Variants in MARCHF1 observed in about 807,000 individuals in gnomAD.
The protein encoded by MARCHF1 is membrane associated ring-CH-type finger 1, also known as E3 ubiquitin-protein ligase MARCHF1.
In MARCHF1, 40 loss-of-function variants were observed where a neutral mutation model predicts 54.2. The observed-to-expected ratio is 0.74, with a 90% CI of 0.57 to 0.96. The LOEUF (loss-of-function observed/expected upper bound fraction) is 0.96. Among genes scored for constraint, MARCHF1 ranks in the 40% least tolerant of loss-of-function variants. The probability of loss-of-function intolerance (pLI) is 0.00; values close to 1 mark genes in which losing one functional copy is unlikely to be tolerated. For missense variants in MARCHF1, 586 were observed against 656.5 expected, an observed-to-expected ratio of 0.89 and a Z score of 1.17; for synonymous variants, 236 against 236.3, an observed-to-expected ratio of 1.00 and a Z score of 0.01.
intron 2 of MARCHF1, among the ~76,000 whole-genome samples, chr4:164,059,398 C>T (rs1405730889): frequency 6.6e-6 from 1 of 151,990 alleles, no homozygotes; most frequent in Non-Finnish European, 1.5e-5. Context: ...TTTTTATTGA[C>T]GTAAATCTAA....
intron 1 of MARCHF1, among the ~76,000 whole-genome samples, chr4:164,243,328 A>G (rs1732835135): frequency 6.9e-6 from 1 of 144,256 alleles, no homozygotes; most frequent in African/African-American, 2.6e-5. Context: ...AATATTCAAC[A>G]TTCTTAAAGA....
intron 5 of MARCHF1, among the ~76,000 whole-genome samples, chr4:163,625,230 T>G (rs964100001): frequency 1.3e-5 from 2 of 152,230 alleles, no homozygotes; most frequent in African/African-American, 2.4e-5. Flanking sequence ...TGTACACCCA[T>G]TTTTCTTTAA....
At chr4:164,241,778 C>A in intron 1 of MARCHF1, among the ~76,000 whole-genome samples, 1 of 152,110 alleles carries the variant, frequency 6.6e-6, no homozygotes, top group Non-Finnish European at 1.5e-5. Context: ...GCGCACAGTG[C>A]GCGAGCCGAA....
Position 164,214,406 on chromosome 4 carries a change from A to T in MARCHF1, c.-322-102744T>A, listed in dbSNP as rs114406724. ...TCACTATAAATGAAGATTGGTTCTA[A>T]AACACATCTTTGTTTATGTAACAAA... On this transcript the variant is annotated intron_variant, in intron 1 of 9. Coordinates refer to ENST00000514618, the MANE Select transcript of MARCHF1 (RefSeq NM_001394959.1). Among the ~76,000 whole-genome samples, 885 of 152,288 alleles carry T rather than the reference A, an allele frequency of 5.8e-3. 4 individuals are homozygous for T. Among genetic ancestry groups the T allele is most frequent in the African/African-American group, 0.02 (832 of 41,554 alleles).
In MARCHF1 at chr4:164,159,064, A is replaced by T. The variant is rs116844279; in HGVS notation, c.-322-47402T>A. 3.4e-4 allele frequency among the ~76,000 whole-genome samples: 52 copies of T among 152,310 alleles called. 1 individual carries two copies. The highest frequency in any genetic ancestry group is 1.9e-4 in the East Asian group (1 of 5,176). ...AGAACACAGGCTCTGCAATTAGACA[A>T]ACTTTTCTATTTCATGATTGACTTG... is the stretch of plus-strand genomic sequence containing the variant. On this transcript the variant is annotated intron_variant, in intron 1 of 9. Transcript: ENST00000514618.
At chr4:164,299,316 A>C (rs78845205) in intron 1 of MARCHF1, among the ~76,000 whole-genome samples, 4,350 of 152,230 alleles carry the variant, frequency 0.029, 130 homozygotes, top group East Asian at 0.15. Flanking sequence ...GGAGGAGAAA[A>C]AAAACCCTAG....
At chr4:164,366,464 G>A (rs910952838) in intron 1 of MARCHF1, among the ~76,000 whole-genome samples, 11 of 151,776 alleles carry the variant, frequency 7.2e-5, no homozygotes, top group African/African-American at 2.7e-4. Flanking sequence ...TTCTTTTTCT[G>A]TGTTGCATAC....
chr4:164,075,757 G>A (rs1754963673), intron 2 of MARCHF1, among the ~76,000 whole-genome samples: 2 of 152,098 alleles, frequency 1.3e-5, no homozygotes, highest in Admixed American at 6.6e-5. Flanking sequence ...GTATGCCCAA[G>A]GTAGGGTTGC....
At chr4:163,555,370 C>G (rs752963354) in intron 8 of MARCHF1, among the ~76,000 whole-genome samples, 2 of 152,166 alleles carry the variant, frequency 1.3e-5, no homozygotes, top group Non-Finnish European at 2.9e-5. Flanking sequence ...TAATATCTGA[C>G]GGTTTTTCAC....
At chr4:164,146,413 C>T (rs938244984) in intron 1 of MARCHF1, among the ~76,000 whole-genome samples, 4 of 152,004 alleles carry the variant, frequency 2.6e-5, no homozygotes, top group African/African-American at 4.8e-5. Flanking sequence ...CACTACCTGA[C>T]TTCAAACTAT....
intron 2 of MARCHF1, among the ~76,000 whole-genome samples, chr4:164,057,890 A>T (rs1024328553): frequency 2.6e-5 from 4 of 152,136 alleles, no homozygotes; most frequent in African/African-American, 7.2e-5. Context: ...ATCAATCTCT[A>T]GACTGGATTA....
In MARCHF1 at chr4:163,562,574, C is replaced by A. The variant is rs80348384; in HGVS notation, c.1192-16831G>T. ...TCAGTTCCCAGGCCTTCACCTTCACCCCCAGTCTCATCACACTCTCCCAAT... is the reference window on the plus strand; with the variant it reads ...TCAGTTCCCAGGCCTTCACCTTCACACCCAGTCTCATCACACTCTCCCAAT... On this transcript the variant is annotated intron_variant, in intron 8 of 9. Transcript: ENST00000514618. Among the ~76,000 whole-genome samples, 562 of 152,208 alleles carry A rather than the reference C, an allele frequency of 3.7e-3. 2 individuals are homozygous for A. Among genetic ancestry groups the A allele is most frequent in the African/African-American group, 0.013 (539 of 41,538 alleles).
chr4:163,901,358 T>C (rs1395480905), intron 3 of MARCHF1, among the ~76,000 whole-genome samples: 1 of 152,216 alleles, frequency 6.6e-6, no homozygotes, highest in Non-Finnish European at 1.5e-5. Flanking sequence ...TGCTGTAATA[T>C]AGCTCAGTAA....
intron 3 of MARCHF1, among the ~76,000 whole-genome samples, chr4:163,944,272 G>A (rs1015498760): frequency 7.9e-5 from 12 of 151,796 alleles, no homozygotes; most frequent in Admixed American, 2.0e-4. Flanking sequence ...GTGAGCCACC[G>A]CGCCTGGCCA....
intron 3 of MARCHF1, among the ~76,000 whole-genome samples, chr4:163,972,004 A>G (rs1752555754): frequency 6.6e-6 from 1 of 152,218 alleles, no homozygotes; most frequent in Non-Finnish European, 1.5e-5. Flanking sequence ...TACACCATAG[A>G]ATACTGTGCA....
At chr4:164,221,345 C>T (rs146861710) in intron 1 of MARCHF1, among the ~76,000 whole-genome samples, 1 of 151,748 alleles carries the variant, frequency 6.6e-6, no homozygotes, top group African/African-American at 2.4e-5. Flanking sequence ...TAAGAAATTA[C>T]ACAAATAAAA....
chr4:164,231,933 G>C (rs186612773), intron 1 of MARCHF1, among the ~76,000 whole-genome samples: 3 of 152,098 alleles, frequency 2.0e-5, no homozygotes, highest in Middle Eastern at 3.4e-3. Flanking sequence ...TAAAATGATT[G>C]AATTACCCCT....
chr4:164,250,505 G>C (rs563672583), intron 1 of MARCHF1, among the ~76,000 whole-genome samples: 2 of 151,826 alleles, frequency 1.3e-5, no homozygotes, highest in South Asian at 4.2e-4. Context: ...ATATAACTAG[G>C]GGAAAATTAA....
At chr4:164,059,794 C>T (rs538118502) in intron 2 of MARCHF1, among the ~76,000 whole-genome samples, 7 of 151,804 alleles carry the variant, frequency 4.6e-5, no homozygotes, top group African/African-American at 1.2e-4. Context: ...TATAATGGTC[C>T]GTGACATTTT....
Sources: gnomAD v4.1 joint callset for allele counts (sites outside exome capture counted in the v4.1 genomes callset) on GRCh38, gnomAD v4.1.1 for gene constraint, MANE v1.5 for transcripts, NCBI Gene and HGNC (gene_info 2026-07-23, HGNC 2026-07-21) for gene names.